DNM3: variants seen among roughly 807,000 people sequenced by gnomAD.
DNM3 encodes the protein dynamin 3, also known as dynamin-3.
Under a neutral mutation model 101.6 loss-of-function variants are expected in DNM3, and 47 were observed. The observed-to-expected ratio is 0.46, with a 90% CI of 0.37 to 0.59. The LOEUF is 0.59. DNM3 is among the 20% of genes least tolerant of loss of function. DNM3 has a pLI of 0.00. For missense variants in DNM3, 849 were observed against 1,085.7 expected (o/e 0.78, Z 3.06); for synonymous variants, 385 against 387.9 (o/e 0.99, Z 0.09).
chr1:172,108,158 A>G (rs1364166525), intron 13 of DNM3, among the ~76,000 whole-genome samples: 1 of 152,100 alleles, frequency 6.6e-6, no homozygotes, highest in Non-Finnish European at 1.5e-5. Flanking sequence ...TTCGAGAACA[A>G]TCTTACTTTT....
intron 6 of DNM3, among the ~76,000 whole-genome samples, chr1:172,035,694 GT>G (rs2125813404): frequency 6.6e-6 from 1 of 152,244 alleles, no homozygotes; most frequent in Admixed American, 6.5e-5. Flanking sequence ...TTGGTTGCTG[GT>G]TTCTTGTGGT....
At chr1:172,027,649 C>T (rs1293455090) in intron 4 of DNM3, among the ~76,000 whole-genome samples, 1 of 150,622 alleles carries the variant, frequency 6.6e-6, no homozygotes, top group African/African-American at 2.5e-5. Flanking sequence ...AGAGTCAGGA[C>T]CCATCCATGT....
At chr1:171,848,833 C>A (rs1197405891) in intron 1 of DNM3, among the ~76,000 whole-genome samples, 1 of 152,080 alleles carries the variant, frequency 6.6e-6, no homozygotes, top group Admixed American at 6.5e-5. Flanking sequence ...AAAAACAGAG[C>A]AGTTGTTGAG....
intron 4 of DNM3, among the ~76,000 whole-genome samples, chr1:172,020,637 T>C (rs2047773149): frequency 7.0e-6 from 1 of 142,478 alleles, no homozygotes; most frequent in South Asian, 2.2e-4. Context: ...GGCAGGAGAA[T>C]GGTGTGAACC....
intron 14 of DNM3, among the ~76,000 whole-genome samples, chr1:172,205,663 A>T (rs566675917): frequency 6.6e-6 from 1 of 152,130 alleles, no homozygotes; most frequent in Non-Finnish European, 1.5e-5. Flanking sequence ...ACAGATTCCC[A>T]TATCTGCTTC....
At chr1:172,040,286 A>G (rs925927250) in intron 7 of DNM3, among the ~76,000 whole-genome samples, 21 of 152,196 alleles carry the variant, frequency 1.4e-4, no homozygotes, top group African/African-American at 4.3e-4. Context: ...AAATCCAATT[A>G]CAGTCTAGCT....
At chr1:172,056,992 T>G (rs2050692214) in intron 10 of DNM3, among the ~76,000 whole-genome samples, 1 of 151,852 alleles carries the variant, frequency 6.6e-6, no homozygotes, top group African/African-American at 2.4e-5. Flanking sequence ...TACAGAGAAG[T>G]GCTTAAAGGA....
At chr1:171,905,644 G>A (rs949810340) in intron 1 of DNM3, among the ~76,000 whole-genome samples, 4 of 152,116 alleles carry the variant, frequency 2.6e-5, no homozygotes, top group Non-Finnish European at 5.9e-5. Flanking sequence ...TAGATTTAGG[G>A]GAGAATATTA....
chr1:171,977,005 T>G (rs2125572220), intron 2 of DNM3, among the ~76,000 whole-genome samples: 1 of 152,338 alleles, frequency 6.6e-6, no homozygotes. Flanking sequence ...TCTCATCATT[T>G]TGCTTTTAAT....
intron 1 of DNM3, among the ~76,000 whole-genome samples, chr1:171,852,527 T>C (rs993080395): frequency 2.0e-5 from 3 of 152,258 alleles, no homozygotes; most frequent in African/African-American, 4.8e-5. Context: ...TGCACTGCAC[T>C]GTCAGGATAC....
At chr1:172,223,260 CT>C (rs1444573617) in intron 14 of DNM3, among the ~76,000 whole-genome samples, 1 of 148,742 alleles carries the variant, frequency 6.7e-6, no homozygotes, top group East Asian at 2.0e-4. Flanking sequence ...GTATCAGTTT[CT>C]TTTTTCTTTT....
chr1:172,115,391 TTC>T (rs1185997554), intron 13 of DNM3, among the ~76,000 whole-genome samples: 5 of 152,314 alleles, frequency 3.3e-5, no homozygotes, highest in Middle Eastern at 3.4e-3. Context: ...CTTCTCCTCT[TTC>T]TCTTGTGAGT....
intron 1 of DNM3, among the ~76,000 whole-genome samples, chr1:171,851,239 C>G (rs188948497): frequency 6.6e-6 from 1 of 152,278 alleles, no homozygotes; most frequent in East Asian, 1.9e-4. Flanking sequence ...GCAGCTTCCA[C>G]GAAGCCAGGA....
intron 10 of DNM3, among the ~76,000 whole-genome samples, chr1:172,058,961 G>A (rs1401290995): frequency 2.6e-5 from 4 of 151,978 alleles, no homozygotes; most frequent in Non-Finnish European, 5.9e-5. Flanking sequence ...GACTAATAAA[G>A]GAGAAAAGAA....
intron 14 of DNM3, among the ~76,000 whole-genome samples, chr1:172,252,190 C>T (rs774119086): frequency 2.0e-5 from 3 of 152,022 alleles, no homozygotes; most frequent in African/African-American, 4.8e-5. Flanking sequence ...GTTCTCTAAG[C>T]GACTTCCTTC....
intron 2 of DNM3, among the ~76,000 whole-genome samples, chr1:171,947,103 A>G (rs1195109904): frequency 6.6e-6 from 1 of 152,214 alleles, no homozygotes; most frequent in Non-Finnish European, 1.5e-5. Context: ...TTACATATTC[A>G]TTTCAATTGG....
At chr1:172,141,783 T>C (rs182945282) in intron 14 of DNM3, among the ~76,000 whole-genome samples, 22 of 152,244 alleles carry the variant, frequency 1.4e-4, no homozygotes, top group Non-Finnish European at 5.9e-5. Flanking sequence ...ATATTAAGCC[T>C]ATTGACTAAC....
intron 1 of DNM3, among the ~76,000 whole-genome samples, chr1:171,875,237 A>G (rs772342334): frequency 1.3e-5 from 2 of 152,188 alleles, no homozygotes; most frequent in Non-Finnish European, 2.9e-5. Flanking sequence ...TCTTTGAGAA[A>G]TATCCAAACT....
chr1:172,409,904 G>T lies in DNM3; in HGVS notation c.*2063G>T. On this transcript the variant is annotated 3_prime_UTR_variant, in exon 21 of 21. Coordinates refer to ENST00000627582, the MANE Select transcript of DNM3 (RefSeq NM_015569.5). Reference sequence around the variant, plus strand: ...AGGAAAATATTGTGAATAACCACTGGTGTGTTCTTAGATCAGCACAAACCA... The same window carrying T: ...AGGAAAATATTGTGAATAACCACTGTTGTGTTCTTAGATCAGCACAAACCA... 3.0e-6 allele frequency: 3 copies of T among 985,628 alleles called. No homozygotes were observed. The highest frequency in any genetic ancestry group is 3.6e-6 in the Non-Finnish European group (3 of 829,846). 61.1% of individuals were successfully genotyped at this position (985,628 alleles called of 1,614,324 possible).
Sources: allele counts gnomAD v4.1 joint callset (sites outside exome capture counted in the v4.1 genomes callset), GRCh38; gene constraint gnomAD v4.1.1; transcripts MANE v1.5; gene names NCBI Gene and HGNC (gene_info 2026-07-23, HGNC 2026-07-21).